Variants in MGST2 observed in about 807,000 individuals in gnomAD.
MGST2 encodes the protein microsomal glutathione S-transferase 2.
MGST2 carries 9 observed loss-of-function variants against 16.6 expected under a neutral mutation model. The observed-to-expected ratio is 0.54, with a 90% confidence interval of 0.33 to 0.95. The LOEUF (loss-of-function observed/expected upper bound fraction) is 0.95. Ranked by LOEUF, MGST2 falls within the 40% of genes least tolerant of loss-of-function variation. MGST2 has a pLI of 0.03. For synonymous variants in MGST2, 79 were observed against 68.0 expected (o/e 1.16, Z -0.79); for missense variants, 159 against 175.1 (o/e 0.91, Z 0.52).
At chr4:139,751,829 A>G in the MGST2 span, among the ~76,000 whole-genome samples, 1 of 152,210 alleles carries the variant, frequency 6.6e-6, no homozygotes, top group Non-Finnish European at 1.5e-5. Context: ...TTTGACCTCT[A>G]ATCCGCAAAG....
At chr4:139,744,417 G>A (rs528192790), downstream of MGST2, among the ~76,000 whole-genome samples, 3 of 152,280 alleles carry the variant, frequency 2.0e-5, no homozygotes, top group Admixed American at 6.5e-5. Flanking sequence ...CCACCCCCCA[G>A]GAGCATGGGT....
chr4:139,714,363 G>C (rs1338249370), intron 5 of MGST2, among the ~76,000 whole-genome samples: 2 of 152,138 alleles, frequency 1.3e-5, no homozygotes, highest in Admixed American at 1.3e-4. Context: ...TTTGCACACA[G>C]AGACAGAAGC....
At chr4:139,751,705 A>T in the MGST2 span, among the ~76,000 whole-genome samples, 2 of 152,198 alleles carry the variant, frequency 1.3e-5, no homozygotes, top group Non-Finnish European at 1.5e-5. Context: ...GATGGACCCC[A>T]GGGAGCCAGT....
chr4:139,675,951 C>T (rs1730936522), intron 1 of MGST2, among the ~76,000 whole-genome samples: 3 of 152,068 alleles, frequency 2.0e-5, no homozygotes, highest in Admixed American at 2.0e-4. Flanking sequence ...AAGCCTGGAA[C>T]CGGCCTTAGA....
At chr4:139,692,418 A>C (rs1018726181) in intron 2 of MGST2, among the ~76,000 whole-genome samples, 1 of 152,210 alleles carries the variant, frequency 6.6e-6, no homozygotes, top group African/African-American at 2.4e-5. Context: ...CAGCTGAAGC[A>C]AGGGGCTATG....
At chr4:139,679,001 A>C in intron 2 of MGST2, 1 of 270,676 alleles carries the variant, frequency 3.7e-6, no homozygotes, top group Non-Finnish European at 7.1e-6. Context: ...TTTCTATCTT[A>C]TTTTTTCCTC....
chr4:139,670,258 C>CGGTGGGGGGGGGGGGGGGG (rs1730605766), intron 1 of MGST2, among the ~76,000 whole-genome samples: 1 of 98,216 alleles, frequency 1.0e-5, no homozygotes, highest in Non-Finnish European at 2.2e-5. Context: ...CGGTGGGGGG[C>CGGTGGGGGGGGGGGGGGGG]GGGGGGGGGG....
chr4:139,714,151 C>T (rs1727845761), intron 5 of MGST2, among the ~76,000 whole-genome samples: 1 of 152,156 alleles, frequency 6.6e-6, no homozygotes, highest in East Asian at 1.9e-4. Context: ...TTATTACTGA[C>T]CAGCTTGTGA....
intron 2 of MGST2, among the ~76,000 whole-genome samples, chr4:139,690,727 C>T (rs923983461): frequency 2.6e-5 from 4 of 152,132 alleles, no homozygotes; most frequent in African/African-American, 9.7e-5. Flanking sequence ...TTGGAGCTGC[C>T]AGGCCACAGT....
chr4:139,724,600 T>C (rs2110969154), intron 5 of MGST2, among the ~76,000 whole-genome samples: 1 of 152,262 alleles, frequency 6.6e-6, no homozygotes, highest in African/African-American at 2.4e-5. Context: ...CTTAAAGGAA[T>C]AGGTAACTTT....
rs757346187 is a variant in MGST2, at chr4:139,713,843, G to A, written c.*48+9647G>A. ...ACCAGAAATGGTAGGCGGGGAAATC[G>A]AACCCTGGCTACCAATATGAAAGTG... On this transcript the variant is annotated intron_variant, in intron 5 of 5. Transcript: ENST00000616265. Among the ~76,000 whole-genome samples the A allele has an allele frequency of 4.6e-5, 7 of 152,312 alleles. No individual in the cohort carries two copies. The South Asian group carries it at 8.3e-4, about 18-fold the overall frequency.
At chr4:139,669,966 AGGCTTAATCTGGTG>A (rs1730583304) in intron 1 of MGST2, among the ~76,000 whole-genome samples, 1 of 152,206 alleles carries the variant, frequency 6.6e-6, no homozygotes, top group African/African-American at 2.4e-5. Context: ...CCAGAGGGGT[AGGCTTAATCTGGTG>A]GGAAAGTTCG....
At chr4:139,675,127 C>T (rs921909261) in intron 1 of MGST2, among the ~76,000 whole-genome samples, 19 of 152,146 alleles carry the variant, frequency 1.2e-4, no homozygotes, top group South Asian at 2.1e-4. Flanking sequence ...GGGAACCGAA[C>T]GTCTTGTAAC....
chr4:139,672,830 C>T lies in MGST2; in HGVS notation c.59-5713C>T, dbSNP rs149070648. 2.6e-4 allele frequency among the ~76,000 whole-genome samples: 39 copies of T among 152,214 alleles called. 1 individual carries two copies. Among genetic ancestry groups the T allele is most frequent in the African/African-American group, 9.2e-4 (38 of 41,524 alleles). ...CCTCCCAAAGTGTTGGGATTACAGGCGTGAGCTACTACTGGGCCCGGACAG... is the reference window on the plus strand; with the variant it reads ...CCTCCCAAAGTGTTGGGATTACAGGTGTGAGCTACTACTGGGCCCGGACAG... On this transcript the variant is annotated intron_variant, in intron 1 of 4. Coordinates refer to ENST00000265498, the MANE Select transcript of MGST2 (RefSeq NM_002413.5).
chr4:139,708,623 G>A (rs868576954), downstream of MGST2, among the ~76,000 whole-genome samples: 1 of 152,106 alleles, frequency 6.6e-6, no homozygotes, highest in South Asian at 2.1e-4. Flanking sequence ...GCTTGATGGG[G>A]ATGGCATTGA....
downstream of MGST2, among the ~76,000 whole-genome samples, chr4:139,742,627 G>A (rs1729206258): frequency 6.6e-6 from 1 of 152,132 alleles, no homozygotes; most frequent in Non-Finnish European, 1.5e-5. Flanking sequence ...GGTTCTTAAC[G>A]GTCACATCAG....
chr4:139,698,592 G>A lies in MGST2; in HGVS notation c.229+3325G>A, dbSNP rs569156985. ...TCCTTACTTACCCCCCTTCTCCTTC[G>A]GCTGGAGCTCGGCGAGCGAGAGGCG... On this transcript the variant is annotated intron_variant, in intron 3 of 4. Transcript: ENST00000265498. 6.5e-3 allele frequency: 5,198 copies of A among 796,386 alleles called. 17 individuals are homozygous for A. Among genetic ancestry groups the A allele is most frequent in the Non-Finnish European group, 8.6e-3 (4,005 of 463,664 alleles). The allele number at this position is 796,386 out of a possible 1,614,324, so 49.3% of individuals were successfully genotyped here. A position where few individuals can be genotyped will look rare whatever the true frequency, so the allele number is the denominator to read the frequency against.
At chr4:139,703,941 C>T in intron 4 of MGST2, 75 bp from the exon 5 acceptor site, 1 of 1,580,892 alleles carries the variant, frequency 6.3e-7, no homozygotes, top group Non-Finnish European at 8.7e-7. Flanking sequence ...AACGATAGGA[C>T]AGCCTACCTC....
the MGST2 span, among the ~76,000 whole-genome samples, chr4:139,752,382 A>C: frequency 4.9e-4 from 75 of 152,342 alleles, no homozygotes; most frequent in Non-Finnish European, 8.4e-4. Flanking sequence ...TACAACCACC[A>C]GGTCTAGCAT....
Sources: allele counts gnomAD v4.1 joint callset (sites outside exome capture counted in the v4.1 genomes callset), GRCh38; gene constraint gnomAD v4.1.1; transcripts MANE v1.5; gene names NCBI Gene and HGNC (gene_info 2026-07-23, HGNC 2026-07-21).